EPHA5: variants seen among roughly 807,000 people sequenced by gnomAD.
EPHA5 encodes EPH receptor A5.
Under a neutral mutation model 105.0 loss-of-function variants are expected in EPHA5, and 60 were observed. That is an observed-to-expected ratio of 0.57 (90% confidence interval 0.46 to 0.71). EPHA5 has a LOEUF of 0.71. EPHA5 is among the 30% of genes least tolerant of loss of function. EPHA5 has a pLI of 0.00. For missense variants in EPHA5, 1,218 were observed against 1,274.7 expected, an observed-to-expected ratio of 0.96 and a Z score of 0.68; for synonymous variants, 513 against 449.1, an observed-to-expected ratio of 1.14 and a Z score of -1.80.
chr4:65,516,490 C>G lies in EPHA5; in HGVS notation c.911-20947G>C, dbSNP rs558574844. On this transcript the variant is annotated intron_variant, in intron 3 of 16. Transcript: ENST00000613740. ...AGGAACAGCAGAGGCAGTAGAAGCT[C>G]CAAGTATAAATTTATCTGTGCTTTT... Among the ~76,000 whole-genome samples, 26 of 151,826 alleles carry G rather than the reference C, an allele frequency of 1.7e-4. No homozygotes were observed. The South Asian group carries it at 5.4e-3, about 32-fold the overall frequency.
At chr4:65,334,375 A>G (rs1720969383) in intron 15 of EPHA5, among the ~76,000 whole-genome samples, 1 of 152,032 alleles carries the variant, frequency 6.6e-6, no homozygotes, top group Non-Finnish European at 1.5e-5. Context: ...AAGATCTTGA[A>G]GTTGAAGTTA....
At chr4:65,418,013 G>T (rs914896871) in intron 6 of EPHA5, among the ~76,000 whole-genome samples, 5 of 152,090 alleles carry the variant, frequency 3.3e-5, no homozygotes, top group African/African-American at 9.7e-5. Context: ...TTGATTCAGA[G>T]ATAAAAGAAA....
rs1007357670 is a variant in EPHA5, at chr4:65,669,840, C to T, written c.-98G>A. 6.5e-6 allele frequency: 8 copies of T among 1,232,540 alleles called. No individual in the cohort carries two copies. Among genetic ancestry groups the T allele is most frequent in the African/African-American group, 3.1e-5 (2 of 64,434 alleles). The allele number at this position is 1,232,540 out of a possible 1,614,324, so 76.4% of individuals were successfully genotyped here. ...AGGGAGACTCGGGAGTCCTCCTTGTCCCCCCTTGGGGTCCTACGCCTTCTG... is the reference window on the plus strand; with the variant it reads ...AGGGAGACTCGGGAGTCCTCCTTGTTCCCCCTTGGGGTCCTACGCCTTCTG... On this transcript the variant is annotated 5_prime_UTR_variant, in exon 1 of 17. Transcript: ENST00000613740.
intron 1 of EPHA5, among the ~76,000 whole-genome samples, chr4:65,648,624 A>T (rs887143372): frequency 6.6e-6 from 1 of 152,238 alleles, no homozygotes; most frequent in Non-Finnish European, 1.5e-5. Context: ...AATTTGGGTT[A>T]GTAGCAGATT....
At chr4:65,557,171 G>A (rs1370350674) in intron 3 of EPHA5, among the ~76,000 whole-genome samples, 1 of 146,324 alleles carries the variant, frequency 6.8e-6, no homozygotes, top group Admixed American at 6.9e-5. Flanking sequence ...ATTTGGGGAC[G>A]GGGCATGGTG....
chr4:65,514,569 C>T (rs992414937), intron 3 of EPHA5, among the ~76,000 whole-genome samples: 3 of 152,132 alleles, frequency 2.0e-5, no homozygotes, highest in Admixed American at 1.3e-4. Flanking sequence ...CCTCAGCTGA[C>T]ACCTTGTGGA....
Position 65,504,616 on chromosome 4 carries a change from C to T in EPHA5, c.911-9073G>A, listed in dbSNP as rs548800404. 3.4e-4 allele frequency among the ~76,000 whole-genome samples: 51 copies of T among 151,920 alleles called. No homozygotes were observed. The South Asian group carries it at 4.2e-3, about 12-fold the overall frequency. The stretch of plus-strand genomic sequence containing the variant: ...GATGTGATGGTGTATGTCTCCATCT[C>T]GACAATGCGGATGTGCTTGACATAT... On this transcript the variant is annotated intron_variant, in intron 3 of 16. Coordinates refer to ENST00000613740, the MANE Select transcript of EPHA5 (RefSeq NM_001281766.3).
intron 3 of EPHA5, among the ~76,000 whole-genome samples, chr4:65,579,358 GTATA>G (rs71657189): frequency 7.0e-6 from 1 of 142,786 alleles, no homozygotes; most frequent in African/African-American, 2.6e-5. Flanking sequence ...ATGTATGTGT[GTATA>G]TATATATATA....
At chr4:65,627,283 T>C (rs1050796030) in intron 2 of EPHA5, among the ~76,000 whole-genome samples, 1 of 152,186 alleles carries the variant, frequency 6.6e-6, no homozygotes, top group African/African-American at 2.4e-5. Context: ...TTCCTAAGTA[T>C]ACTGGGTAAA....
intron 8 of EPHA5, among the ~76,000 whole-genome samples, chr4:65,370,839 A>G (rs17086128): frequency 0.095 from 14,512 of 152,046 alleles, 737 homozygotes; most frequent in Middle Eastern, 0.15. Flanking sequence ...GTATGGAATT[A>G]AGTTCTGGAA....
chr4:65,380,946 AT>A (rs1719500983), intron 8 of EPHA5, among the ~76,000 whole-genome samples: 1 of 151,762 alleles, frequency 6.6e-6, no homozygotes, highest in African/African-American at 2.4e-5. Context: ...TCTTGAATAT[AT>A]CCATTACTAG....
chr4:65,414,174 G>C, intron 7 of EPHA5, 110 bp downstream of exon 7: 1 of 948,308 alleles, frequency 1.1e-6, no homozygotes, highest in South Asian at 1.5e-5. Flanking sequence ...GCCTGGGAGA[G>C]AGAGAGGGAG....
intron 5 of EPHA5, among the ~76,000 whole-genome samples, chr4:65,468,373 C>T (rs898881853): frequency 6.7e-6 from 1 of 150,266 alleles, no homozygotes; most frequent in African/African-American, 2.5e-5. Flanking sequence ...GAGAAAGATT[C>T]TAGGGCAGAA....
At chr4:65,625,712 T>A (rs1746078070) in intron 2 of EPHA5, among the ~76,000 whole-genome samples, 1 of 152,198 alleles carries the variant, frequency 6.6e-6, no homozygotes, top group Admixed American at 6.5e-5. Context: ...ATTGATTCAA[T>A]TTACAATTTA....
At chr4:65,413,668 C>G (rs1010937435) in intron 7 of EPHA5, among the ~76,000 whole-genome samples, 1 of 152,096 alleles carries the variant, frequency 6.6e-6, no homozygotes, top group Non-Finnish European at 1.5e-5. Context: ...CTATTTCTGT[C>G]TTCGAATTCT....
intron 8 of EPHA5, among the ~76,000 whole-genome samples, chr4:65,383,220 TACAC>T (rs142791536): frequency 0.032 from 4,568 of 144,580 alleles, 104 homozygotes; most frequent in Non-Finnish European, 0.045. Flanking sequence ...ATATATGATA[TACAC>T]ACACACACAC....
At chr4:65,381,659 A>C (rs1420086285) in intron 8 of EPHA5, among the ~76,000 whole-genome samples, 1 of 151,808 alleles carries the variant, frequency 6.6e-6, no homozygotes, top group East Asian at 1.9e-4. Flanking sequence ...AGGATGCAAA[A>C]CTGCATAGTA....
intron 1 of EPHA5, among the ~76,000 whole-genome samples, chr4:65,650,811 C>G (rs1175646657): frequency 6.6e-6 from 1 of 152,150 alleles, no homozygotes; most frequent in Non-Finnish European, 1.5e-5. Flanking sequence ...ATGCTTAACA[C>G]TTTCTTCAAA....
intron 3 of EPHA5, among the ~76,000 whole-genome samples, chr4:65,532,676 T>G (rs1427626233): frequency 2.7e-5 from 4 of 150,764 alleles, no homozygotes; most frequent in South Asian, 4.2e-4. Context: ...TTACAGTTTT[T>G]TTTTTTTTTT....
Sources: gnomAD v4.1 joint callset for allele counts (sites outside exome capture counted in the v4.1 genomes callset) on GRCh38, gnomAD v4.1.1 for gene constraint, MANE v1.5 for transcripts, NCBI Gene and HGNC (gene_info 2026-07-23, HGNC 2026-07-21) for gene names.